OXSR1: variants seen among roughly 807,000 people sequenced by gnomAD.
OXSR1 encodes serine/threonine-protein kinase OSR1.
A neutral mutation model predicts 79.8 loss-of-function variants in OXSR1; 24 were observed. The ratio of observed to expected loss-of-function variants is 0.30; its 90% confidence interval spans 0.22 to 0.42. The LOEUF (loss-of-function observed/expected upper bound fraction) is 0.42. Ranked by LOEUF, OXSR1 falls within the 10% of genes least tolerant of loss-of-function variation. OXSR1 has a pLI of 1.00. For missense variants in OXSR1, 430 were observed against 618.4 expected (o/e 0.70, Z 3.23); for synonymous variants, 226 against 209.2 (o/e 1.08, Z -0.69).
chr3:38,210,096 CTGCT>C (rs2125827898), intron 4 of OXSR1, among the ~76,000 whole-genome samples: 1 of 151,732 alleles, frequency 6.6e-6, no homozygotes, highest in African/African-American at 2.4e-5. Flanking sequence ...TCACTCCACT[CTGCT>C]TGATTGCATG....
At chr3:38,176,356 T>A (rs1012309780) in intron 1 of OXSR1, among the ~76,000 whole-genome samples, 4 of 152,302 alleles carry the variant, frequency 2.6e-5, no homozygotes, top group Admixed American at 6.5e-5. Flanking sequence ...TTAAAATAAT[T>A]ATGATAAAAC....
chr3:38,234,500 GTAT>G (rs1239733871), intron 10 of OXSR1, among the ~76,000 whole-genome samples: 1 of 152,138 alleles, frequency 6.6e-6, no homozygotes, highest in African/African-American at 2.4e-5. Flanking sequence ...AAGATACTCA[GTAT>G]TATTAGCCAT....
At chr3:38,232,802 C>T (rs911722122) in intron 10 of OXSR1, among the ~76,000 whole-genome samples, 2 of 151,934 alleles carry the variant, frequency 1.3e-5, no homozygotes, top group African/African-American at 4.8e-5. Context: ...AGGCATAAAC[C>T]TCTAGTGGAC....
chr3:38,215,657 G>A (rs760299947), intron 4 of OXSR1, among the ~76,000 whole-genome samples: 1 of 152,010 alleles, frequency 6.6e-6, no homozygotes, highest in African/African-American at 2.4e-5. Context: ...TCTATATTAC[G>A]TGTTATAAAT....
intron 1 of OXSR1, among the ~76,000 whole-genome samples, chr3:38,178,434 A>G (rs1055447568): frequency 4.0e-5 from 6 of 151,808 alleles, no homozygotes; most frequent in Admixed American, 2.6e-4. Context: ...TGTGTAAATC[A>G]TATATGTATA....
At chr3:38,251,917 GAA>G (rs1294582032) in intron 16 of OXSR1, among the ~76,000 whole-genome samples, 1 of 152,188 alleles carries the variant, frequency 6.6e-6, no homozygotes, top group African/African-American at 2.4e-5. Context: ...AGTTTTCCGT[GAA>G]AAACCAGATA....
At chr3:38,246,539 T>C (rs1319238067) in intron 13 of OXSR1, among the ~76,000 whole-genome samples, 2 of 152,206 alleles carry the variant, frequency 1.3e-5, no homozygotes, top group Non-Finnish European at 2.9e-5. Context: ...CAACAGAGAC[T>C]AGGAGAATCG....
chr3:38,165,798 T>G lies in OXSR1; in HGVS notation c.-79T>G. 24 of 1,233,652 alleles carry G rather than the reference T, an allele frequency of 1.9e-5. No individual in the cohort carries two copies. The highest frequency in any genetic ancestry group is 2.5e-5 in the Non-Finnish European group (22 of 864,102). 76.4% of individuals were successfully genotyped at this position (1,233,652 alleles called of 1,614,324 possible). ...GCGCGGCGGCGGCGGCGGCGGCTGT[T>G]GGGGGTGGGGAGACGCGCGGCGAGG... On this transcript the variant is annotated 5_prime_UTR_variant, in exon 1 of 18. Transcript: ENST00000311806.
chr3:38,233,899 A>G lies in OXSR1; in HGVS notation c.952-2940A>G, dbSNP rs376568248. ...TGCACTTCAGCCTGGGTGACAGAGC[A>G]AGACCCTGTCTCAAAAGAAAAAAAA... On this transcript the variant is annotated intron_variant, in intron 10 of 17. Transcript: ENST00000311806. Among the ~76,000 whole-genome samples the G allele has an allele frequency of 2.4e-4, 36 of 152,264 alleles. No individual in the cohort carries two copies. In the East Asian group the frequency reaches 4.0e-3, roughly 17 times the overall value.
intron 8 of OXSR1, among the ~76,000 whole-genome samples, chr3:38,226,594 T>C (rs529516743): frequency 4.6e-5 from 7 of 152,168 alleles, no homozygotes; most frequent in South Asian, 2.1e-4. Flanking sequence ...AAGACTGATA[T>C]GTGCCTCTTG....
chr3:38,238,339 C>T (rs2125848066), intron 11 of OXSR1, among the ~76,000 whole-genome samples: 1 of 152,142 alleles, frequency 6.6e-6, no homozygotes, highest in Admixed American at 6.6e-5. Context: ...ATTAGGAAAT[C>T]TCATAATATT....
intron 14 of OXSR1, among the ~76,000 whole-genome samples, chr3:38,249,240 A>T (rs1161009386): frequency 6.6e-6 from 1 of 152,092 alleles, no homozygotes; most frequent in Admixed American, 6.6e-5. Flanking sequence ...TAGTGTTCTC[A>T]TTTCTCTGTC....
intron 4 of OXSR1, 103 bp from the exon 5 acceptor site, chr3:38,215,992 TA>T: frequency 1.4e-6 from 1 of 711,908 alleles, no homozygotes; most frequent in Non-Finnish European, 2.4e-6. Context: ...ATAGGACATT[TA>T]AATATTGCTA....
intron 8 of OXSR1, among the ~76,000 whole-genome samples, chr3:38,228,983 G>A (rs1277797704): frequency 6.6e-6 from 1 of 152,190 alleles, no homozygotes; most frequent in Non-Finnish European, 1.5e-5. Flanking sequence ...ATTTGCTCAG[G>A]ATCAGGTAGG....
At position 38,165,571 on chromosome 3, in the gene OXSR1, A is replaced by C; in HGVS notation, c.-306A>C. On this transcript the variant is annotated 5_prime_UTR_variant, in exon 1 of 18. Transcript: ENST00000311806. ...GTGGGGCTGGGGTGGAGGGCGGGAC[A>C]GAGGGGCTGGGCCCAGGCAAAGCTT... The C allele has an allele frequency of 2.7e-6, 1 of 376,136 alleles. No homozygotes were observed. Among genetic ancestry groups the C allele is most frequent in the Non-Finnish European group, 4.8e-6 (1 of 207,974 alleles). The allele number at this position is 376,136 out of a possible 1,614,324, so 23.3% of individuals were successfully genotyped here.
At chr3:38,228,546 G>A (rs2125841036) in intron 8 of OXSR1, among the ~76,000 whole-genome samples, 1 of 152,212 alleles carries the variant, frequency 6.6e-6, no homozygotes, top group Middle Eastern at 3.4e-3. Context: ...ATTGGTTTGA[G>A]GTACAGCCTG....
intron 1 of OXSR1, among the ~76,000 whole-genome samples, chr3:38,170,817 C>G (rs1212986039): frequency 6.6e-6 from 1 of 152,184 alleles, no homozygotes; most frequent in Non-Finnish European, 1.5e-5. Context: ...GGGTCTCACT[C>G]TGTCACCCAG....
intron 5 of OXSR1, among the ~76,000 whole-genome samples, chr3:38,218,184 T>C (rs563774624): frequency 6.6e-6 from 1 of 152,282 alleles, no homozygotes; most frequent in East Asian, 1.9e-4. Context: ...TTTTGAGGAA[T>C]TGCTGTATTA....
chr3:38,186,610 TCATC>T (rs1701890749), intron 2 of OXSR1, among the ~76,000 whole-genome samples: 1 of 152,238 alleles, frequency 6.6e-6, no homozygotes, highest in Non-Finnish European at 1.5e-5. Flanking sequence ...TTTCCAAAGT[TCATC>T]CATATTGTAG....
Sources: allele counts gnomAD v4.1 joint callset (sites outside exome capture counted in the v4.1 genomes callset), GRCh38; gene constraint gnomAD v4.1.1; transcripts MANE v1.5; gene names NCBI Gene and HGNC (gene_info 2026-07-23, HGNC 2026-07-21).